Variants in LAMA2 observed in about 807,000 individuals in gnomAD.
LAMA2 encodes laminin subunit alpha 2, also known as laminin subunit alpha-2.
A neutral mutation model predicts 364.8 loss-of-function variants in LAMA2; 269 were observed. That is an observed-to-expected ratio of 0.74 (90% CI 0.67 to 0.82). LAMA2 has a LOEUF of 0.82. Among genes scored for constraint, LAMA2 ranks in the 40% least tolerant of loss-of-function variants. The probability of loss-of-function intolerance (pLI) is 0.00; values close to 1 mark genes in which losing one functional copy is unlikely to be tolerated. For missense variants in LAMA2, 3,807 were observed against 3,873.2 expected, an observed-to-expected ratio of 0.98 and a Z score of 0.45; for synonymous variants, 1,379 against 1,370.6, an observed-to-expected ratio of 1.01 and a Z score of -0.14.
intron 3 of LAMA2, among the ~76,000 whole-genome samples, chr6:129,081,113 A>C (rs565092694): frequency 6.6e-6 from 1 of 152,324 alleles, no homozygotes; most frequent in African/African-American, 2.4e-5. Context: ...TGAAGCTGGA[A>C]ACCATCATTC....
At chr6:129,301,053 T>C (rs1413693086) in intron 22 of LAMA2, among the ~76,000 whole-genome samples, 181 bp downstream of exon 22, 1 of 152,182 alleles carries the variant, frequency 6.6e-6, no homozygotes, top group Non-Finnish European at 1.5e-5. Context: ...GATGATGAAG[T>C]AAATATACAT....
At chr6:129,183,278 CATATT>C (rs1781038309) in intron 10 of LAMA2, among the ~76,000 whole-genome samples, 1 of 151,812 alleles carries the variant, frequency 6.6e-6, no homozygotes, top group Non-Finnish European at 1.5e-5. Context: ...AGTTTGGTGT[CATATT>C]ATTTATGCAA....
intron 9 of LAMA2, 103 bp from the exon 10 acceptor site, chr6:129,177,603 T>G (rs1780674761): frequency 1.7e-6 from 2 of 1,179,496 alleles, no homozygotes; most frequent in Admixed American, 3.9e-5. Context: ...AAAATCTATT[T>G]TTGTGTCAAA....
intron 17 of LAMA2, among the ~76,000 whole-genome samples, chr6:129,279,214 A>G (rs920433831): frequency 4.6e-5 from 7 of 152,184 alleles, no homozygotes; most frequent in African/African-American, 1.4e-4. Flanking sequence ...TCAGAGAGCC[A>G]GTCGAGAACG....
chr6:129,157,744 T>C lies in LAMA2; in HGVS notation c.1206+3061T>C, dbSNP rs1392629973. 6.8e-6 allele frequency: 11 copies of C among 1,611,892 alleles called. No homozygotes were observed. The African/African-American group carries it at 8.0e-5, about 12-fold the overall frequency. Reference sequence around the variant, plus strand: ...TCGTATGACGGATCACTCGGTACCATGTTATAATATGGCAATTGGTAGTCT... The same window carrying C: ...TCGTATGACGGATCACTCGGTACCACGTTATAATATGGCAATTGGTAGTCT... On this transcript the variant is annotated intron_variant, in intron 8 of 64. Coordinates refer to ENST00000421865, the MANE Select transcript of LAMA2 (RefSeq NM_000426.4).
intron 1 of LAMA2, among the ~76,000 whole-genome samples, chr6:128,894,532 T>C (rs1776648657): frequency 6.6e-6 from 1 of 152,230 alleles, no homozygotes; most frequent in Non-Finnish European, 1.5e-5. Context: ...GTTAGATCCT[T>C]TTTGTAGTAC....
At position 129,300,712 on chromosome 6, in the gene LAMA2, G is replaced by T. The variant is rs761609936; in HGVS notation, c.3038-24G>T. The T allele has an allele frequency of 8.7e-6, 14 of 1,612,778 alleles. No individual in the cohort carries two copies. The East Asian group carries it at 2.7e-4, about 31-fold the overall frequency. ...ATTTTTACTATTTTTCCCCTTCTTT[G>T]TTTTCCCTCTTATACCGGTGAAGCT... is the stretch of plus-strand genomic sequence containing the variant. On this transcript the variant is annotated intron_variant, in intron 21 of 64. Transcript: ENST00000421865.
At chr6:128,977,669 ATTGTGTATAC>A (rs1479959856) in intron 1 of LAMA2, among the ~76,000 whole-genome samples, 6 of 152,182 alleles carry the variant, frequency 3.9e-5, no homozygotes, top group African/African-American at 1.4e-4. Flanking sequence ...CAGAGAAATG[ATTGTGTATAC>A]TTTATATTTC....
Position 129,167,356 on chromosome 6 carries a change from C to T in LAMA2, c.1306+1681C>T, listed in dbSNP as rs542846712. On this transcript the variant is annotated intron_variant, in intron 9 of 64. Coordinates refer to ENST00000421865, the MANE Select transcript of LAMA2 (RefSeq NM_000426.4). ...TCCCCAGAGTGTGATATTCCCCTTCCTGTGTCCATGTGATAGCATTGTTCA... is the reference window on the plus strand; with the variant it reads ...TCCCCAGAGTGTGATATTCCCCTTCTTGTGTCCATGTGATAGCATTGTTCA... Among the ~76,000 whole-genome samples, 21 of 145,264 alleles carry T rather than the reference C, an allele frequency of 1.4e-4. No homozygotes were observed. In the South Asian group the frequency reaches 4.4e-3, roughly 31 times the overall value.
chr6:129,360,463 T>A (rs146254184), intron 32 of LAMA2, among the ~76,000 whole-genome samples: 190 of 152,286 alleles, frequency 1.2e-3, no homozygotes, highest in African/African-American at 4.4e-3. Flanking sequence ...GTTTACCTTA[T>A]AACTTCATGA....
intron 1 of LAMA2, among the ~76,000 whole-genome samples, chr6:128,932,336 A>G (rs1779534348): frequency 6.6e-6 from 1 of 152,236 alleles, no homozygotes; most frequent in South Asian, 2.1e-4. Flanking sequence ...CTAGTGACGC[A>G]TTAGAGCCTC....
At chr6:128,922,722 A>G (rs1285531146) in intron 1 of LAMA2, among the ~76,000 whole-genome samples, 8 of 151,932 alleles carry the variant, frequency 5.3e-5, no homozygotes, top group Non-Finnish European at 1.5e-5. Flanking sequence ...ATTAGATCCC[A>G]TTTGTCCATT....
intron 10 of LAMA2, among the ~76,000 whole-genome samples, chr6:129,183,182 T>C (rs1183690195): frequency 6.6e-6 from 1 of 152,014 alleles, no homozygotes; most frequent in Non-Finnish European, 1.5e-5. Context: ...ATCTCAGATA[T>C]ATGACAAGTC....
At chr6:129,467,771 T>A (rs535098001) in intron 51 of LAMA2, among the ~76,000 whole-genome samples, 16 of 151,896 alleles carry the variant, frequency 1.1e-4, no homozygotes, top group Non-Finnish European at 2.1e-4. Flanking sequence ...TCAATATTAG[T>A]CAAAGGTCAA....
intron 3 of LAMA2, among the ~76,000 whole-genome samples, chr6:129,068,838 A>AT: frequency 6.6e-6 from 1 of 152,212 alleles, no homozygotes; most frequent in East Asian, 1.9e-4. Flanking sequence ...TGGGACTGTC[A>AT]TTTTTTGTTT....
At chr6:128,972,730 T>TA (rs1230595091) in intron 1 of LAMA2, among the ~76,000 whole-genome samples, 3 of 151,778 alleles carry the variant, frequency 2.0e-5, no homozygotes, top group South Asian at 2.1e-4. Flanking sequence ...CATGCCAGAT[T>TA]AAAAAAAATG....
chr6:129,157,207 T>G (rs1318497139), intron 8 of LAMA2, among the ~76,000 whole-genome samples: 1 of 152,140 alleles, frequency 6.6e-6, no homozygotes, highest in Non-Finnish European at 1.5e-5. Flanking sequence ...AACAGGCAAT[T>G]CAGTACCCAG....
At chr6:129,332,691 A>G (rs978034919) in intron 29 of LAMA2, among the ~76,000 whole-genome samples, 4 of 152,066 alleles carry the variant, frequency 2.6e-5, no homozygotes, top group African/African-American at 7.2e-5. Context: ...AATTCTTTCT[A>G]TGTATCTTAC....
chr6:129,383,163 T>C lies in LAMA2; in HGVS notation c.5001T>C (p.Asp1667=), dbSNP rs1778792886. ...CAGATGGCGAGCAGACCGGACAGGATGCTGAGAGGACCAACACAAGAGCAA... is the reference window on the plus strand; with the variant it reads ...CAGATGGCGAGCAGACCGGACAGGACGCTGAGAGGACCAACACAAGAGCAA... ...VTADGEQTGQ[D]AERTNTRAKS... The change falls in exon 35 of 65, where the codon GAT becomes GAC. Residue 1667 remains aspartate (D), a synonymous_variant. Transcript: ENST00000421865. 1 of 1,613,792 alleles carries C rather than the reference T, an allele frequency of 6.2e-7. No individual in the cohort carries two copies. Among genetic ancestry groups the C allele is most frequent in the Admixed American group, 1.7e-5 (1 of 59,992 alleles).
Sources: gnomAD v4.1 joint callset for allele counts (sites outside exome capture counted in the v4.1 genomes callset) on GRCh38, gnomAD v4.1.1 for gene constraint, MANE v1.5 for transcripts, NCBI Gene and HGNC (gene_info 2026-07-23, HGNC 2026-07-21) for gene names.